Variants in RAG1 observed in about 807,000 individuals in gnomAD.
The protein encoded by RAG1 is recombination activating 1, also known as V(D)J recombination-activating protein 1.
RAG1 carries 35 observed loss-of-function variants against 62.7 expected under a neutral mutation model. The ratio of observed to expected loss-of-function variants is 0.56; its 90% confidence interval spans 0.43 to 0.74. RAG1 has a LOEUF of 0.74. Ranked by LOEUF, RAG1 falls within the 30% of genes least tolerant of loss-of-function variation. The pLI is 0.00. For synonymous variants in RAG1, 461 were observed against 470.3 expected, an observed-to-expected ratio of 0.98 and a Z score of 0.26; for missense variants, 1,169 against 1,278.6, an observed-to-expected ratio of 0.91 and a Z score of 1.31.
Position 36,573,629 on chromosome 11 carries a change from C to T in RAG1, c.325C>T (p.His109Tyr), listed in dbSNP as rs1338902811. The change falls in exon 2 of 2, where the codon CAT (histidine) becomes TAT (tyrosine). Residue 109 changes from histidine to tyrosine, a missense_variant. By Grantham distance (83) the His-to-Tyr change is moderately conservative. Transcript: ENST00000299440. Reference sequence around the variant, plus strand: ...AGCGATCCATCAAGCCAACCTTCGACATCTCTGCCGCATCTGTGGGAATTC... The same window carrying T: ...AGCGATCCATCAAGCCAACCTTCGATATCTCTGCCGCATCTGTGGGAATTC... The part of the protein sequence containing the change: ...GKAIHQANLR[H>Y]LCRICGNSFR... The T allele has an allele frequency of 1.9e-6, 3 of 1,614,096 alleles. No homozygotes were observed. Among genetic ancestry groups the T allele is most frequent in the Non-Finnish European group, 2.5e-6 (3 of 1,180,042 alleles).
chr11:36,519,547 T>C (rs904035055), intron 1 of RAG1, among the ~76,000 whole-genome samples: 1 of 152,252 alleles, frequency 6.6e-6, no homozygotes, highest in Non-Finnish European at 1.5e-5. Context: ...TTATTTCTTC[T>C]ACCTTTGCAT....
At chr11:36,513,367 T>C (rs999555117) in intron 1 of RAG1, among the ~76,000 whole-genome samples, 1 of 152,206 alleles carries the variant, frequency 6.6e-6, no homozygotes, top group African/African-American at 2.4e-5. Flanking sequence ...GGAAATAGTT[T>C]TACACAGCTG....
At chr11:36,534,708 G>T (rs2201845) in intron 2 of RAG1, among the ~76,000 whole-genome samples, 2 of 151,924 alleles carry the variant, frequency 1.3e-5, no homozygotes, top group Admixed American at 1.3e-4. Context: ...TGACTGTTTT[G>T]CAATCAATGT....
At chr11:36,559,227 A>G (rs1400542383) in intron 3 of RAG1, among the ~76,000 whole-genome samples, 1 of 152,176 alleles carries the variant, frequency 6.6e-6, no homozygotes, top group African/African-American at 2.4e-5. Flanking sequence ...TATAATGAAG[A>G]TTCCCTTATA....
intron 3 of RAG1, among the ~76,000 whole-genome samples, chr11:36,560,888 G>T (rs577815796): frequency 6.6e-6 from 1 of 152,178 alleles, no homozygotes; most frequent in African/African-American, 2.4e-5. Flanking sequence ...AGAGGGTTTC[G>T]TCACTTCCTT....
chr11:36,527,716 G>T (rs1426126670), intron 2 of RAG1, among the ~76,000 whole-genome samples: 2 of 152,124 alleles, frequency 1.3e-5, no homozygotes, highest in Non-Finnish European at 2.9e-5. Context: ...CTATCCATGA[G>T]CATGGAATGT....
At chr11:36,563,647 T>C (rs1469635185), upstream of RAG1, 2 of 152,226 alleles carry the variant, frequency 1.3e-5, no homozygotes, top group African/African-American at 4.8e-5. Flanking sequence ...TTAAAATTTA[T>C]GAAAAATTTA....
intron 3 of RAG1, among the ~76,000 whole-genome samples, chr11:36,542,250 T>G (rs979908365): frequency 6.6e-6 from 1 of 152,238 alleles, no homozygotes; most frequent in Non-Finnish European, 1.5e-5. Flanking sequence ...TGAATTAATT[T>G]AGCTGAACAA....
At chr11:36,519,749 T>C (rs1191603948) in intron 1 of RAG1, among the ~76,000 whole-genome samples, 1 of 152,178 alleles carries the variant, frequency 6.6e-6, no homozygotes, top group East Asian at 1.9e-4. Context: ...CTATTTGTTC[T>C]TTCCAGGATT....
At chr11:36,567,199 T>C (rs1277542816), upstream of RAG1, among the ~76,000 whole-genome samples, 1 of 152,190 alleles carries the variant, frequency 6.6e-6, no homozygotes, top group African/African-American at 2.4e-5. Flanking sequence ...TGTGTGACCA[T>C]GGGCAAGTCA....
intron 1 of RAG1, among the ~76,000 whole-genome samples, chr11:36,568,652 CTT>C (rs1850694131): frequency 1.3e-5 from 2 of 152,224 alleles, no homozygotes; most frequent in African/African-American, 4.8e-5. Context: ...CAGCCAGACT[CTT>C]TGGGACCTGA....
downstream of RAG1, among the ~76,000 whole-genome samples, chr11:36,540,153 G>C (rs951968768): frequency 9.9e-5 from 15 of 152,052 alleles, no homozygotes; most frequent in African/African-American, 3.1e-4. Context: ...TCGAGAAGCC[G>C]GGGGGAGAAG....
In RAG1 at chr11:36,573,938, G is replaced by A. The variant is rs1466902809; in HGVS notation, c.634G>A (p.Asp212Asn). Residue 212 changes from aspartate (D) to asparagine (N), a missense_variant, in exon 2 of 2, where the codon GAC becomes AAC. Coordinates refer to ENST00000299440, the MANE Select transcript of RAG1 (RefSeq NM_000448.3). ...MEWHPHTPSC[D>N]ICNTARRGLK... ...GTGGCACCCCCACACACCATCCTGT[G>A]ACATCTGCAACACTGCCCGTCGGGG... is the stretch of plus-strand genomic sequence containing the variant. 1 of 1,614,102 alleles carries A rather than the reference G, an allele frequency of 6.2e-7. No individual in the cohort carries two copies. Among genetic ancestry groups the A allele is most frequent in the Admixed American group, 1.7e-5 (1 of 60,016 alleles).
intron 3 of RAG1, among the ~76,000 whole-genome samples, chr11:36,550,034 T>C (rs1464451120): frequency 2.0e-5 from 3 of 152,168 alleles, no homozygotes; most frequent in Non-Finnish European, 2.9e-5. Flanking sequence ...AAACACTACA[T>C]GTTCTCACTC....
chr11:36,519,715 T>C (rs1860048732), intron 1 of RAG1, among the ~76,000 whole-genome samples: 1 of 152,174 alleles, frequency 6.6e-6, no homozygotes, highest in Non-Finnish European at 1.5e-5. Flanking sequence ...TCAGTTTGTG[T>C]TCCATCTGGC....
At position 36,573,588 on chromosome 11, in the gene RAG1, A is replaced by G. The variant is rs142057334; in HGVS notation, c.284A>G (p.Glu95Gly). 1.1e-5 allele frequency: 17 copies of G among 1,614,110 alleles called. No individual in the cohort carries two copies. The African/African-American group carries it at 1.9e-4, about 18-fold the overall frequency. Residue 95 changes from glutamate (E) to glycine (G), a missense_variant, in exon 2 of 2, where the codon GAG becomes GGG. Physicochemically the swap from Glu to Gly is moderately conservative, Grantham distance 98. Transcript: ENST00000299440. ...TTTTCAAAGAAATTTCACGACAACG[A>G]GAAAGCAAGAGGCAAAGCGATCCAT... ...PKFSKKFHDN[E>G]KARGKAIHQA... is the part of the protein sequence containing the mutation.
chr11:36,573,985 G>A lies in RAG1; in HGVS notation c.681G>A (p.Gln227=). 6.2e-7 allele frequency: 1 copy of A among 1,614,146 alleles called. No individual in the cohort carries two copies. Among genetic ancestry groups the A allele is most frequent in the Non-Finnish European group, 8.5e-7 (1 of 1,180,040 alleles). The change falls in exon 2 of 2, where the codon CAG becomes CAA. Residue 227 remains glutamine (Q), a synonymous_variant. Transcript: ENST00000299440. Reference sequence around the variant, plus strand: ...GGGGACTCAAGAGGAAGAGTCTTCAGCCAAACTTGCAGCTCAGCAAAAAAC... The same window carrying A: ...GGGGACTCAAGAGGAAGAGTCTTCAACCAAACTTGCAGCTCAGCAAAAAAC... The part of the protein sequence containing the change: ...ARRGLKRKSL[Q]PNLQLSKKLK...
intron 2 of RAG1, among the ~76,000 whole-genome samples, chr11:36,529,952 G>A (rs1860228114): frequency 6.6e-6 from 1 of 151,844 alleles, no homozygotes; most frequent in African/African-American, 2.4e-5. Context: ...ATTAGTTCTG[G>A]AGATTACCTT....
At chr11:36,531,966 T>G (rs6484860) in intron 2 of RAG1, among the ~76,000 whole-genome samples, 74,828 of 151,814 alleles carry the variant, frequency 0.49, 21,269 homozygotes, top group East Asian at 0.72. Context: ...TGATATATTT[T>G]TATCCACAAA....
Sources: allele counts gnomAD v4.1 joint callset (sites outside exome capture counted in the v4.1 genomes callset), GRCh38; gene constraint gnomAD v4.1.1; transcripts MANE v1.5; gene names NCBI Gene and HGNC (gene_info 2026-07-23, HGNC 2026-07-21).